The following TCF4 variants were observed in gnomAD, a reference collection of about 807,000 sequenced individuals.
The protein encoded by TCF4 is SL3-3 enhancer factor 2.
In TCF4, 3 loss-of-function variants were observed where a neutral mutation model predicts 82.1. That is an observed-to-expected ratio of 0.04 (90% CI 0.02 to 0.09). The LOEUF (loss-of-function observed/expected upper bound fraction) is 0.09. Ranked by LOEUF, TCF4 falls within the 10% of genes least tolerant of loss-of-function variation. TCF4 has a pLI of 1.00. For synonymous variants in TCF4, 276 were observed against 309.6 expected (o/e 0.89, Z 1.14); for missense variants, 518 against 852.7 (o/e 0.61, Z 4.89).
chr18:55,400,666 G>A (rs1225611995), intron 6 of TCF4, among the ~76,000 whole-genome samples: 1 of 152,038 alleles, frequency 6.6e-6, no homozygotes, highest in Non-Finnish European at 1.5e-5. Context: ...TAAATCCTTA[G>A]GAGAAATCTA....
At chr18:55,467,694 T>C (rs929094024) in intron 3 of TCF4, among the ~76,000 whole-genome samples, 9 of 152,114 alleles carry the variant, frequency 5.9e-5, no homozygotes, top group Non-Finnish European at 4.4e-5. Flanking sequence ...ATGTAAACCT[T>C]GCACAGGGCC....
At chr18:55,253,173 G>A (rs557848179) in intron 15 of TCF4, among the ~76,000 whole-genome samples, 5 of 152,258 alleles carry the variant, frequency 3.3e-5, no homozygotes, top group African/African-American at 7.2e-5. Context: ...ATACTACACC[G>A]TTCAGAATGG....
intron 3 of TCF4, among the ~76,000 whole-genome samples, chr18:55,471,418 A>G (rs2096176160): frequency 6.6e-6 from 1 of 152,194 alleles, no homozygotes. Flanking sequence ...AAGATGTGTC[A>G]GGCCAGGTGC....
rs2144239180 is a variant in TCF4, at chr18:55,223,731, T to C, written c.*4304A>G. The C allele has an allele frequency of 6.6e-6, 1 of 151,960 alleles. No individual in the cohort carries two copies. The highest frequency in any genetic ancestry group is 1.9e-4 in the East Asian group (1 of 5,182). 9.4% of individuals were successfully genotyped at this position (151,960 alleles called of 1,614,324 possible). A position where few individuals can be genotyped will look rare whatever the true frequency, so the allele number is the denominator to read the frequency against. The stretch of plus-strand genomic sequence containing the variant: ...TCCCTTTTTTTTTTTTTAACAATTT[T>C]TTTAAGTTTTTAATGCTGCAGCTAT... On this transcript the variant is annotated 3_prime_UTR_variant, in exon 20 of 20. Coordinates refer to ENST00000354452, the MANE Select transcript of TCF4 (RefSeq NM_001083962.2).
intron 5 of TCF4, among the ~76,000 whole-genome samples, chr18:55,408,130 T>C (rs2094184139): frequency 6.6e-6 from 1 of 152,200 alleles, no homozygotes; most frequent in South Asian, 2.1e-4. Flanking sequence ...TTTGGTTGTG[T>C]AGCCTTTCAT....
At chr18:55,287,618 A>G (rs2063994242) in intron 8 of TCF4, among the ~76,000 whole-genome samples, 1 of 152,214 alleles carries the variant, frequency 6.6e-6, no homozygotes, top group African/African-American at 2.4e-5. Flanking sequence ...AGGCCTGAGC[A>G]GGCAGGGATG....
chr18:55,271,534 C>T (rs1342363182), intron 10 of TCF4, among the ~76,000 whole-genome samples: 1 of 152,060 alleles, frequency 6.6e-6, no homozygotes, highest in East Asian at 1.9e-4. Context: ...GAAAATATTA[C>T]CTCTGTATGA....
At chr18:55,236,464 T>C (rs1173056860) in intron 15 of TCF4, among the ~76,000 whole-genome samples, 1 of 152,138 alleles carries the variant, frequency 6.6e-6, no homozygotes, top group East Asian at 1.9e-4. Context: ...CTTTTTTTTT[T>C]TTTAAACATA....
Position 55,588,156 on chromosome 18 carries a change from C to T in TCF4, c.-139G>A. On this transcript the variant is annotated 5_prime_UTR_variant, in exon 1 of 20. Transcript: ENST00000354452. ...CGCCCGCTCCCGCGCCTGCTGCCTC[C>T]CCGCCGCCGCCGCCGCCGCCGCCAC... 9.1e-7 allele frequency: 1 copy of T among 1,092,956 alleles called. No individual in the cohort carries two copies. Among genetic ancestry groups the T allele is most frequent in the Non-Finnish European group, 1.1e-6 (1 of 905,220 alleles). 67.7% of individuals were successfully genotyped at this position (1,092,956 alleles called of 1,614,324 possible).
intron 1 of TCF4, chr18:55,631,483 G>A: frequency 7.3e-7 from 1 of 1,371,308 alleles, no homozygotes; most frequent in Non-Finnish European, 9.9e-7. Context: ...AAATGATAAT[G>A]TTTTGGGTTA....
intron 5 of TCF4, among the ~76,000 whole-genome samples, chr18:55,415,660 T>C (rs2094501049): frequency 6.6e-6 from 1 of 152,232 alleles, no homozygotes; most frequent in South Asian, 2.1e-4. Context: ...ATACTGACTT[T>C]AACAGATATT....
At chr18:55,484,421 T>C (rs1225443709) in intron 3 of TCF4, among the ~76,000 whole-genome samples, 1 of 152,232 alleles carries the variant, frequency 6.6e-6, no homozygotes, top group East Asian at 1.9e-4. Context: ...TTCATATCAC[T>C]TTGTAAGCCA....
intron 2 of TCF4, among the ~76,000 whole-genome samples, chr18:55,623,072 G>C (rs1603625619): frequency 6.6e-6 from 1 of 152,116 alleles, no homozygotes; most frequent in East Asian, 1.9e-4. Flanking sequence ...TAAGTGACTT[G>C]TCTTAGTTTG....
At chr18:55,248,159 GATAAAGATCAAAACTTTC>G (rs773793587) in intron 15 of TCF4, among the ~76,000 whole-genome samples, 172 of 152,292 alleles carry the variant, frequency 1.1e-3, no homozygotes, top group Non-Finnish European at 1.8e-3. Flanking sequence ...CTGATAAATT[GATAAAGATCAAAACTTTC>G]AGTTGAGGTT....
chr18:55,517,097 A>G (rs2096889881), intron 3 of TCF4, among the ~76,000 whole-genome samples: 1 of 152,176 alleles, frequency 6.6e-6, no homozygotes, highest in Non-Finnish European at 1.5e-5. Context: ...AACGGTTATA[A>G]TAAGAGCTCC....
chr18:55,613,767 C>T (rs549404010), intron 2 of TCF4, among the ~76,000 whole-genome samples: 5 of 152,268 alleles, frequency 3.3e-5, no homozygotes, highest in East Asian at 1.9e-4. Context: ...ATGATCCAAA[C>T]GCCTCCCACC....
At chr18:55,411,313 C>A (rs1162243058) in intron 5 of TCF4, among the ~76,000 whole-genome samples, 1 of 152,190 alleles carries the variant, frequency 6.6e-6, no homozygotes, top group East Asian at 1.9e-4. Context: ...AACATCTTCA[C>A]AGTGATGCCT....
chr18:55,583,297 T>A (rs1370846215), intron 3 of TCF4, among the ~76,000 whole-genome samples: 31 of 152,006 alleles, frequency 2.0e-4, no homozygotes, highest in Admixed American at 2.0e-3. Flanking sequence ...TTATTAAGAG[T>A]GAAGTCTCTC....
chr18:55,427,083 G>GA (rs893768179), intron 5 of TCF4, among the ~76,000 whole-genome samples: 9 of 152,080 alleles, frequency 5.9e-5, no homozygotes, highest in Non-Finnish European at 1.0e-4. Flanking sequence ...ATATAAGGGG[G>GA]AAAAAAACTT....
Sources: allele counts gnomAD v4.1 joint callset (sites outside exome capture counted in the v4.1 genomes callset), GRCh38; gene constraint gnomAD v4.1.1; transcripts MANE v1.5; gene names NCBI Gene and HGNC (gene_info 2026-07-23, HGNC 2026-07-21).